Variants in BABAM2 observed in about 807,000 individuals in gnomAD.
BABAM2 encodes the protein BRISC and BRCA1 A complex member 2.
In BABAM2, 31 loss-of-function variants were observed where a neutral mutation model predicts 54.7. The ratio of observed to expected loss-of-function variants is 0.57; its 90% CI spans 0.43 to 0.77. The LOEUF is 0.77. Ranked by LOEUF, BABAM2 falls within the 30% of genes least tolerant of loss-of-function variation. The pLI is 0.00. For synonymous variants in BABAM2, 167 were observed against 162.9 expected, an observed-to-expected ratio of 1.03 and a Z score of -0.19; for missense variants, 364 against 455.8, an observed-to-expected ratio of 0.80 and a Z score of 1.83.
intron 1 of BABAM2, among the ~76,000 whole-genome samples, chr2:27,893,107 C>T (rs1182339256): frequency 6.6e-6 from 1 of 152,182 alleles, no homozygotes; most frequent in African/African-American, 2.4e-5. Flanking sequence ...ACCAGAGCAT[C>T]ATTTACTGGT....
At chr2:27,980,009 A>C (rs1270111288) in intron 3 of BABAM2, among the ~76,000 whole-genome samples, 2 of 152,158 alleles carry the variant, frequency 1.3e-5, no homozygotes, top group Non-Finnish European at 2.9e-5. Flanking sequence ...CTGTGATTTC[A>C]TGTATGTGTC....
chr2:28,028,420 C>G (rs932647055), intron 5 of BABAM2, among the ~76,000 whole-genome samples: 2 of 151,800 alleles, frequency 1.3e-5, no homozygotes, highest in East Asian at 3.9e-4. Flanking sequence ...CCGCCACCCA[C>G]ACGCAGAATT....
intron 6 of BABAM2, among the ~76,000 whole-genome samples, chr2:28,074,881 A>G (rs1376680292): frequency 6.6e-6 from 1 of 152,058 alleles, no homozygotes; most frequent in Non-Finnish European, 1.5e-5. Context: ...AATAGGCTTT[A>G]TTTGTACTTT....
intron 7 of BABAM2, among the ~76,000 whole-genome samples, chr2:28,191,909 TAA>T (rs902021394): frequency 2.0e-5 from 3 of 151,746 alleles, no homozygotes; most frequent in Admixed American, 6.6e-5. Flanking sequence ...CTCAAAACTA[TAA>T]AAAAAAGAAA....
intron 3 of BABAM2, among the ~76,000 whole-genome samples, chr2:27,987,460 A>G (rs1672480298): frequency 6.6e-6 from 1 of 152,132 alleles, no homozygotes; most frequent in Non-Finnish European, 1.5e-5. Flanking sequence ...TTGGATATTT[A>G]CATTCACAGT....
At chr2:28,268,402 G>A (rs1449070618) in intron 10 of BABAM2, among the ~76,000 whole-genome samples, 1 of 152,170 alleles carries the variant, frequency 6.6e-6, no homozygotes, top group Non-Finnish European at 1.5e-5. Context: ...GGATGGCAAG[G>A]TCGCTTCAGC....
intron 6 of BABAM2, among the ~76,000 whole-genome samples, chr2:28,077,794 T>C (rs1158145109): frequency 6.6e-6 from 1 of 152,184 alleles, no homozygotes; most frequent in African/African-American, 2.4e-5. Flanking sequence ...CTTGATTCTC[T>C]AGAGTGACAA....
intron 7 of BABAM2, among the ~76,000 whole-genome samples, chr2:28,169,450 T>C (rs376110642): frequency 1.3e-5 from 2 of 152,132 alleles, no homozygotes; most frequent in African/African-American, 4.8e-5. Context: ...TTCCCCAATT[T>C]TTATGTTCTT....
intron 11 of BABAM2, among the ~76,000 whole-genome samples, chr2:28,327,718 G>A (rs1421769332): frequency 2.0e-5 from 3 of 152,180 alleles, no homozygotes; most frequent in African/African-American, 4.8e-5. Flanking sequence ...CTGTGGAATC[G>A]AGTAGAGGGG....
At chr2:27,992,806 A>T (rs138848255) in intron 4 of BABAM2, among the ~76,000 whole-genome samples, 1 of 152,064 alleles carries the variant, frequency 6.6e-6, no homozygotes, top group Non-Finnish European at 1.5e-5. Flanking sequence ...CATCCTTGCC[A>T]TTCCTCAGAC....
At chr2:28,258,581 A>G (rs1328787041) in intron 10 of BABAM2, among the ~76,000 whole-genome samples, 1 of 149,428 alleles carries the variant, frequency 6.7e-6, no homozygotes, top group Admixed American at 6.7e-5. Context: ...TTAATTTGTG[A>G]AGCATCTGCT....
At chr2:28,302,433 T>C (rs1170738920) in intron 11 of BABAM2, among the ~76,000 whole-genome samples, 2 of 147,252 alleles carry the variant, frequency 1.4e-5, no homozygotes, top group African/African-American at 5.0e-5. Flanking sequence ...AAAAAAAAAA[T>C]GTATCTGTTA....
intron 2 of BABAM2, among the ~76,000 whole-genome samples, chr2:27,912,851 C>A (rs1375469024): frequency 1.3e-5 from 2 of 152,094 alleles, no homozygotes; most frequent in Non-Finnish European, 2.9e-5. Flanking sequence ...AGACAGATAA[C>A]CTGATGATAA....
chr2:28,202,904 T>A (rs1262974752), intron 7 of BABAM2, among the ~76,000 whole-genome samples: 1 of 152,196 alleles, frequency 6.6e-6, no homozygotes, highest in Non-Finnish European at 1.5e-5. Flanking sequence ...TTACTGCAGT[T>A]AATTATGGCA....
rs1446120269 is a variant in BABAM2 at position 28,329,408 on chromosome 2, G to A, written c.1089-9042G>A. ...CTACTGAAACTTGCATTTGTGTGGG[G>A]CCCTGGGCTTGGTACTTGATACACA... On this transcript the variant is annotated intron_variant, in intron 11 of 11. Coordinates refer to ENST00000379624, the MANE Select transcript of BABAM2 (RefSeq NM_199191.3). This position sits in a 1 kb window ranked among gnomAD's most constrained non-coding sequence, Gnocchi z 4.2. 1.3e-5 allele frequency among the ~76,000 whole-genome samples: 2 copies of A among 152,146 alleles called. No individual in the cohort carries two copies. The highest frequency in any genetic ancestry group is 2.9e-5 in the Non-Finnish European group (2 of 68,028).
At chr2:28,208,253 G>T (rs1679087713) in intron 7 of BABAM2, among the ~76,000 whole-genome samples, 1 of 152,224 alleles carries the variant, frequency 6.6e-6, no homozygotes, top group Non-Finnish European at 1.5e-5. Flanking sequence ...CCCAGCTCAA[G>T]ATGTTGTGTC....
Position 28,211,386 on chromosome 2 carries a change from C to CT in BABAM2, c.681-25798dup, listed in dbSNP as rs770284745. On this transcript the variant is annotated intron_variant, in intron 7 of 11. Transcript: ENST00000379624. ...CCATGTATAGTTCCTTCCTTATTATCTTTTTTTTTTTTTTTTTTGAGAAAG... is the reference window on the plus strand; with the variant it reads ...CCATGTATAGTTCCTTCCTTATTATCTTTTTTTTTTTTTTTTTTTGAGAAAG... 1.5e-3 allele frequency among the ~76,000 whole-genome samples: 141 copies of CT among 96,902 alleles called. 4 individuals are homozygous for CT. Among genetic ancestry groups the CT allele is most frequent in the African/African-American group, 4.1e-3 (115 of 28,102 alleles). The allele number at this position is 96,902 out of a possible 152,430, so 63.6% of individuals were successfully genotyped here.
intron 5 of BABAM2, among the ~76,000 whole-genome samples, chr2:28,034,456 G>A (rs775861837): frequency 2.0e-5 from 3 of 152,144 alleles, no homozygotes; most frequent in Non-Finnish European, 2.9e-5. Context: ...TATTCTTGTT[G>A]TAAGTTATTA....
intron 5 of BABAM2, among the ~76,000 whole-genome samples, chr2:28,044,844 C>G (rs2148609863): frequency 6.6e-6 from 1 of 152,200 alleles, no homozygotes; most frequent in South Asian, 2.1e-4. Context: ...AAATACCAGG[C>G]TGAGCTGCAC....
Sources: allele counts gnomAD v4.1 joint callset (sites outside exome capture counted in the v4.1 genomes callset), GRCh38; gene constraint gnomAD v4.1.1; non-coding constraint Gnocchi (gnomAD v3.1); transcripts MANE v1.5; gene names NCBI Gene and HGNC (gene_info 2026-07-23, HGNC 2026-07-21).